The following CCDC7 variants were observed in gnomAD, a reference collection of about 807,000 sequenced individuals.
CCDC7 encodes the protein coiled-coil domain containing 7.
In CCDC7, 183 loss-of-function variants were observed where a neutral mutation model predicts 196.9. The ratio of observed to expected loss-of-function variants is 0.93; its 90% CI spans 0.82 to 1.05. CCDC7 has a LOEUF of 1.05. Ranked by LOEUF, CCDC7 falls within the 50% of genes least tolerant of loss-of-function variation. The pLI is 0.00. For synonymous variants in CCDC7, 525 were observed against 484.6 expected (o/e 1.08, Z -1.10); for missense variants, 1,540 against 1,482.2 (o/e 1.04, Z -0.64).
intron 13 of CCDC7, among the ~76,000 whole-genome samples, chr10:32,554,444 C>T (rs2054025321): frequency 1.3e-5 from 2 of 152,196 alleles, no homozygotes; most frequent in Non-Finnish European, 2.9e-5. Context: ...CCTGTGTTTC[C>T]AGGCAGGAAT....
chr10:32,616,300 T>C lies in CCDC7; in HGVS notation c.1802-17954T>C, dbSNP rs115919488. Among the ~76,000 whole-genome samples, 1,279 of 152,152 alleles carry C rather than the reference T, an allele frequency of 8.4e-3. 28 individuals are homozygous for C. The highest frequency in any genetic ancestry group is 0.028 in the African/African-American group (1,178 of 41,564). ...TCCTTCAATCCATGAGCATGGGATG[T>C]TTTTCTATTTGTTTGCATAGTCTGT... On this transcript the variant is annotated intron_variant, in intron 18 of 41. Coordinates refer to ENST00000639629, the Ensembl canonical transcript of CCDC7.
At chr10:32,814,334 ACCTTACAGTGTTT>A (rs2087895134) in intron 30 of CCDC7, 23 bp from the exon 32 acceptor site, 1 of 1,330,072 alleles carries the variant, frequency 7.5e-7, no homozygotes, top group East Asian at 2.3e-5. Flanking sequence ...ATAAATGATT[ACCTTACAGTGTTT>A]TGATACCTGT....
intron 28 of CCDC7, among the ~76,000 whole-genome samples, chr10:32,752,603 A>G (rs1352626894): frequency 6.6e-6 from 1 of 152,178 alleles, no homozygotes; most frequent in Non-Finnish European, 1.5e-5. Context: ...GGCTTAATAT[A>G]TAAAATAGGA....
At chr10:32,861,676 CA>C (rs2093990188) in intron 41 of CCDC7, among the ~76,000 whole-genome samples, 1 of 151,986 alleles carries the variant, frequency 6.6e-6, no homozygotes, top group Non-Finnish European at 1.5e-5. Context: ...ATCCATCTGA[CA>C]AAGGGCTAAC....
intron 21 of CCDC7, among the ~76,000 whole-genome samples, chr10:32,682,323 C>T (rs1350258959): frequency 6.6e-6 from 1 of 152,108 alleles, no homozygotes; most frequent in Non-Finnish European, 1.5e-5. Flanking sequence ...AATTTCCTTC[C>T]AGCCTTATCA....
At chr10:32,704,737 G>A (rs967650674) in intron 24 of CCDC7, among the ~76,000 whole-genome samples, 1 of 152,162 alleles carries the variant, frequency 6.6e-6, no homozygotes, top group African/African-American at 2.4e-5. Context: ...CCTCACTGCT[G>A]CCTTGCAGTT....
intron 31 of CCDC7, among the ~76,000 whole-genome samples, chr10:32,820,215 G>A (rs1593115292): frequency 2.0e-5 from 3 of 152,140 alleles, no homozygotes. Flanking sequence ...ATTCACAATT[G>A]CTTCAAAGAG....
chr10:32,826,316 A>G (rs2091106161), intron 32 of CCDC7, among the ~76,000 whole-genome samples: 1 of 152,194 alleles, frequency 6.6e-6, no homozygotes, highest in African/African-American at 2.4e-5. Flanking sequence ...AAGGGCAGGA[A>G]GCATCCAGCA....
intron 20 of CCDC7, among the ~76,000 whole-genome samples, chr10:32,643,279 T>C (rs1520547): frequency 0.92 from 140,619 of 152,212 alleles, 65,933 homozygotes; most frequent in East Asian, 1. Context: ...CTGGTAAGGT[T>C]ATTTGCCTTA....
rs183033684 is a variant in CCDC7 at position 32,829,548 on chromosome 10, G to A, written c.3268+4944G>A. On this transcript the variant is annotated intron_variant, in intron 32 of 41. Transcript: ENST00000639629. Reference sequence around the variant, plus strand: ...AGCATTTAAGTATTGTTAACTTTAGGTAACAGTATTTGGGTTGGGGATTTG... The same window carrying A: ...AGCATTTAAGTATTGTTAACTTTAGATAACAGTATTTGGGTTGGGGATTTG... 2.1e-4 allele frequency among the ~76,000 whole-genome samples: 32 copies of A among 152,134 alleles called. No homozygotes were observed. The South Asian group carries it at 4.0e-3, about 19-fold the overall frequency.
At chr10:32,732,338 C>T (rs2084126262) in intron 28 of CCDC7, among the ~76,000 whole-genome samples, 1 of 151,996 alleles carries the variant, frequency 6.6e-6, no homozygotes, top group Non-Finnish European at 1.5e-5. Flanking sequence ...AAGTTCTCTC[C>T]TTAGTTTATA....
intron 21 of CCDC7, among the ~76,000 whole-genome samples, chr10:32,683,391 T>C (rs1010345582): frequency 3.7e-4 from 57 of 152,250 alleles, no homozygotes; most frequent in African/African-American, 1.2e-3. Flanking sequence ...TTTTGGTTAC[T>C]GTAACCTTGT....
At chr10:32,675,364 T>A (rs979954067) in intron 21 of CCDC7, among the ~76,000 whole-genome samples, 1 of 148,588 alleles carries the variant, frequency 6.7e-6, no homozygotes, top group African/African-American at 2.5e-5. Context: ...TTATCTATTT[T>A]AAATTGTTAA....
At chr10:32,660,007 A>G (rs375798269) in intron 20 of CCDC7, among the ~76,000 whole-genome samples, 3 of 152,200 alleles carry the variant, frequency 2.0e-5, no homozygotes, top group East Asian at 3.8e-4. Flanking sequence ...TCATTCTCCT[A>G]TAAAGACGTG....
intron 18 of CCDC7, among the ~76,000 whole-genome samples, chr10:32,590,310 T>G (rs2059666449): frequency 6.9e-6 from 1 of 144,874 alleles, no homozygotes; most frequent in Non-Finnish European, 1.6e-5. Context: ...AACTTAACAC[T>G]GATTGCACAA....
intron 21 of CCDC7, among the ~76,000 whole-genome samples, chr10:32,674,479 G>A (rs546285749): frequency 6.6e-6 from 1 of 152,062 alleles, no homozygotes; most frequent in Non-Finnish European, 1.5e-5. Flanking sequence ...TTTCTTAAAT[G>A]TTTAAGACTT....
rs1555181040 is a variant in CCDC7 at position 32,830,125 on chromosome 10, T to TATATATAC, written c.3269-4683_3269-4682insCATATATA. On this transcript the variant is annotated intron_variant, in intron 32 of 41. Transcript: ENST00000639629. Reference sequence around the variant, plus strand: ...ATTAGTTCTTATATATATAAGGATATATATATATATATATATCCTATTAGT... The same window carrying TATATATAC: ...ATTAGTTCTTATATATATAAGGATATATATATACATATATATATATATATCCTATTAGT... Among the ~76,000 whole-genome samples, 3 of 103,442 alleles carry TATATATAC rather than the reference T, an allele frequency of 2.9e-5. 1 individual carries two copies. The highest frequency in any genetic ancestry group is 4.5e-5 in the Non-Finnish European group (2 of 44,888). The allele number at this position is 103,442 out of a possible 152,430, so 67.9% of individuals were successfully genotyped here.
intron 20 of CCDC7, among the ~76,000 whole-genome samples, chr10:32,661,755 C>A (rs57503407): frequency 6.6e-6 from 1 of 152,252 alleles, no homozygotes; most frequent in South Asian, 2.1e-4. Context: ...ATCCAAGATA[C>A]AAGATGAAAT....
At chr10:32,570,727 T>C (rs918243516) in intron 15 of CCDC7, among the ~76,000 whole-genome samples, 15 of 152,176 alleles carry the variant, frequency 9.9e-5, no homozygotes, top group African/African-American at 3.6e-4. Flanking sequence ...TTCTTTTTTC[T>C]CACGTCCTAT....
Sources: allele counts gnomAD v4.1 joint callset (sites outside exome capture counted in the v4.1 genomes callset), GRCh38; gene constraint gnomAD v4.1.1; transcripts MANE v1.5; gene names NCBI Gene and HGNC (gene_info 2026-07-23, HGNC 2026-07-21).